RFX4: variants seen among roughly 807,000 people sequenced by gnomAD.
RFX4 encodes transcription factor RFX4.
Under a neutral mutation model 95.0 loss-of-function variants are expected in RFX4, and 10 were observed. The ratio of observed to expected loss-of-function variants is 0.11; its 90% CI spans 0.06 to 0.18. The LOEUF is 0.18. Ranked by LOEUF, RFX4 falls within the 10% of genes least tolerant of loss-of-function variation. The probability of loss-of-function intolerance (pLI) is 1.00; values close to 1 mark genes in which losing one functional copy is unlikely to be tolerated. For missense variants in RFX4, 640 were observed against 922.0 expected (o/e 0.69, Z 3.96); for synonymous variants, 321 against 340.7 (o/e 0.94, Z 0.64).
chr12:106,700,439 C>G (rs2041965270), intron 8 of RFX4, among the ~76,000 whole-genome samples: 2 of 138,600 alleles, frequency 1.4e-5, no homozygotes, highest in South Asian at 4.7e-4. Context: ...CGGAGTCTCG[C>G]TCTGTCGCCC....
Position 106,606,105 on chromosome 12 carries a change from G to A in RFX4, c.44-2692G>A, listed in dbSNP as rs541612250. On this transcript the variant is annotated intron_variant, in intron 1 of 17. Transcript: ENST00000392842. ...CTTCTCTCGGGAATGTTGCCACGAAGTTTTCAGAGAATGTCCCATCAATCA... is the reference window on the plus strand; with the variant it reads ...CTTCTCTCGGGAATGTTGCCACGAAATTTTCAGAGAATGTCCCATCAATCA... 4.5e-3 allele frequency among the ~76,000 whole-genome samples: 682 copies of A among 152,302 alleles called. 4 individuals carry two copies. Among genetic ancestry groups the A allele is most frequent in the African/African-American group, 0.016 (660 of 41,562 alleles).
At chr12:106,603,943 C>T (rs1034932023) in intron 1 of RFX4, among the ~76,000 whole-genome samples, 4 of 151,978 alleles carry the variant, frequency 2.6e-5, no homozygotes, top group Non-Finnish European at 2.9e-5. Flanking sequence ...ATTTATTGTG[C>T]GACATCTATG....
chr12:106,749,361 G>A (rs2042957581), intron 16 of RFX4, among the ~76,000 whole-genome samples: 1 of 152,080 alleles, frequency 6.6e-6, no homozygotes, highest in Non-Finnish European at 1.5e-5. Flanking sequence ...CATGGGAGGA[G>A]GAGGGGGAGG....
intron 1 of RFX4, among the ~76,000 whole-genome samples, chr12:106,600,595 C>T (rs768809004): frequency 6.6e-6 from 1 of 152,186 alleles, no homozygotes; most frequent in Non-Finnish European, 1.5e-5. Context: ...CCTTTCTGAG[C>T]CAGTGCAGTC....
chr12:106,676,997 G>A (rs1473270622), intron 4 of RFX4, among the ~76,000 whole-genome samples: 2 of 152,138 alleles, frequency 1.3e-5, no homozygotes, highest in African/African-American at 4.8e-5. Context: ...GAGCTGTGTG[G>A]CTTTGTGCAG....
chr12:106,620,007 T>C (rs1031775136), intron 2 of RFX4, among the ~76,000 whole-genome samples: 1 of 152,242 alleles, frequency 6.6e-6, no homozygotes, highest in Non-Finnish European at 1.5e-5. Flanking sequence ...AATTTGCCCA[T>C]ATTTTTCTCT....
intron 13 of RFX4, 148 bp downstream of exon 13, chr12:106,721,024 C>T (rs1348074081): frequency 1.4e-6 from 1 of 694,324 alleles, no homozygotes. Context: ...ATTGTTAGGA[C>T]TTTCAGGGAG....
chr12:106,645,062 A>G (rs1432868187), intron 3 of RFX4, among the ~76,000 whole-genome samples: 37 of 150,550 alleles, frequency 2.5e-4, no homozygotes, highest in Admixed American at 2.4e-3. Flanking sequence ...AACAAATAAC[A>G]CCGCTCTAAG....
intron 2 of RFX4, among the ~76,000 whole-genome samples, chr12:106,635,503 G>A (rs2040493378): frequency 6.6e-6 from 1 of 152,028 alleles, no homozygotes; most frequent in Non-Finnish European, 1.5e-5. Context: ...AGTAGAGACA[G>A]GGTTTCACTG....
chr12:106,654,414 G>A, intron 4 of RFX4, 63 bp downstream of exon 4: 1 of 1,533,962 alleles, frequency 6.5e-7, no homozygotes, highest in South Asian at 1.3e-5. Context: ...TTTATGCACA[G>A]TTTTAAAGCA....
intron 4 of RFX4, among the ~76,000 whole-genome samples, chr12:106,657,521 C>T (rs1340821496): frequency 6.6e-6 from 1 of 152,172 alleles, no homozygotes; most frequent in East Asian, 1.9e-4. Context: ...GCTGTATTGA[C>T]TTTGGGTCCC....
chr12:106,747,417 G>T lies in RFX4; in HGVS notation c.1634-20G>T. ...TATGAGAACTGTTAATGATCAAGAC[G>T]TCTTAATTTGTCTCTGCAGGAGCAA... On this transcript the variant is annotated intron_variant, in intron 15 of 17. Transcript: ENST00000392842. 1.2e-6 allele frequency: 2 copies of T among 1,610,040 alleles called. No homozygotes were observed. Among genetic ancestry groups the T allele is most frequent in the Non-Finnish European group, 1.7e-6 (2 of 1,176,878 alleles).
chr12:106,697,350 A>C (rs956247630), intron 8 of RFX4, among the ~76,000 whole-genome samples: 1 of 152,094 alleles, frequency 6.6e-6, no homozygotes, highest in African/African-American at 2.4e-5. Context: ...TTACAACTGT[A>C]TAGGGTTCCA....
chr12:106,651,093 C>G (rs1254496681), intron 3 of RFX4, among the ~76,000 whole-genome samples: 1 of 152,114 alleles, frequency 6.6e-6, no homozygotes, highest in African/African-American at 2.4e-5. Flanking sequence ...TTTAAAGACT[C>G]CCTCCACCTC....
intron 3 of RFX4, among the ~76,000 whole-genome samples, chr12:106,640,332 G>A (rs1377948261): frequency 6.6e-6 from 1 of 152,216 alleles, no homozygotes; most frequent in Non-Finnish European, 1.5e-5. Flanking sequence ...ACATCAGGAA[G>A]GATAGAGAAG....
At chr12:106,638,927 A>G (rs1391333502) in intron 2 of RFX4, among the ~76,000 whole-genome samples, 1 of 152,330 alleles carries the variant, frequency 6.6e-6, no homozygotes, top group East Asian at 1.9e-4. Context: ...ATTAGGTTTC[A>G]ACACACAAAT....
At chr12:106,696,478 G>C (rs769603159) in intron 8 of RFX4, 32 bp downstream of exon 8, 2 of 1,612,314 alleles carry the variant, frequency 1.2e-6, no homozygotes, top group East Asian at 4.5e-5. Flanking sequence ...TTCCTTCACG[G>C]CTGGTCCACA....
At position 106,641,967 on chromosome 12, in the gene RFX4, C is replaced by CTATCTATATCTATATCTATATCTA. The variant is rs57799769; in HGVS notation, c.191+2607_191+2630dup. Among the ~76,000 whole-genome samples, 372 of 135,030 alleles carry CTATCTATATCTATATCTATATCTA rather than the reference C, an allele frequency of 2.8e-3. 2 individuals carry two copies. The highest frequency in any genetic ancestry group is 7.6e-3 in the African/African-American group (265 of 34,718). The allele number at this position is 135,030 out of a possible 152,430, so 88.6% of individuals were successfully genotyped here. A position where few individuals can be genotyped will look rare whatever the true frequency, so the allele number is the denominator to read the frequency against. ...TGTCTATATCTATCTATATCTATATCTATCTATATCTATATCTATATCTAT... is the reference window on the plus strand; with the variant it reads ...TGTCTATATCTATCTATATCTATATCTATCTATATCTATATCTATATCTATATCTATATCTATATCTATATCTAT... On this transcript the variant is annotated intron_variant, in intron 3 of 17. Coordinates refer to ENST00000392842, the MANE Select transcript of RFX4 (RefSeq NM_213594.3).
chr12:106,686,238 C>A (rs1030243765), intron 5 of RFX4, among the ~76,000 whole-genome samples: 3 of 152,052 alleles, frequency 2.0e-5, no homozygotes, highest in African/African-American at 4.8e-5. Context: ...TGATGGAACA[C>A]CATCTCTACT....
Sources: gnomAD v4.1 joint callset for allele counts (sites outside exome capture counted in the v4.1 genomes callset) on GRCh38, gnomAD v4.1.1 for gene constraint, MANE v1.5 for transcripts, NCBI Gene and HGNC (gene_info 2026-07-23, HGNC 2026-07-21) for gene names.